The following BRME1 variants were observed in gnomAD, a reference collection of about 807,000 sequenced individuals.
The protein encoded by BRME1 is break repair meiotic recombinase recruitment factor 1.
BRME1 carries 31 observed loss-of-function variants against 52.6 expected under a neutral mutation model. That is an observed-to-expected ratio of 0.59 (90% CI 0.44 to 0.80). BRME1 has a LOEUF of 0.80. Ranked by LOEUF, BRME1 falls within the 30% of genes least tolerant of loss-of-function variation. BRME1 has a pLI of 0.00. For missense variants in BRME1, 804 were observed against 860.3 expected, an observed-to-expected ratio of 0.93 and a Z score of 0.82; for synonymous variants, 359 against 353.6, an observed-to-expected ratio of 1.02 and a Z score of -0.17.
At chr19:13,891,682 TG>T (rs1231741696) in intron 5 of BRME1, among the ~76,000 whole-genome samples, 1 of 151,666 alleles carries the variant, frequency 6.6e-6, no homozygotes, top group African/African-American at 2.4e-5. Flanking sequence ...TTGCCCAGGC[TG>T]GTCTTGAATG....
At chr19:13,896,947 C>G (rs565664785) in intron 2 of BRME1, among the ~76,000 whole-genome samples, 3 of 152,118 alleles carry the variant, frequency 2.0e-5, no homozygotes, top group African/African-American at 4.8e-5. Flanking sequence ...ATCCTCTTGT[C>G]TCGGCCTCCC....
Position 13,890,180 on chromosome 19 carries a change from T to G in BRME1, c.676A>C (p.Arg226=). 6.2e-7 allele frequency: 1 copy of G among 1,614,210 alleles called. No individual in the cohort carries two copies. The highest frequency in any genetic ancestry group is 8.5e-7 in the Non-Finnish European group (1 of 1,180,034). ...TTTTGGCCACCGTCACCTGGAACCC[T>G]GTCTGTCTCAGGCTTGCTGTCATCG... The part of the protein sequence containing the change: ...GADDSKPETD[R]VPGDGGQKEH... Residue 226 remains arginine, a synonymous_variant, in exon 6 of 9, where the codon AGG becomes CGG. Coordinates refer to ENST00000586783, the MANE Select transcript of BRME1 (RefSeq NM_001345843.2).
At chr19:13,900,618 T>A (rs1970231855) in intron 2 of BRME1, among the ~76,000 whole-genome samples, 1 of 152,214 alleles carries the variant, frequency 6.6e-6, no homozygotes, top group South Asian at 2.1e-4. Flanking sequence ...GAAATTTAAC[T>A]TACTTTAGAA....
rs1018136333 is a variant in BRME1, at chr19:13,905,837, A to T, written c.-144T>A. 1.3e-5 allele frequency: 2 copies of T among 152,088 alleles called. No individual in the cohort carries two copies. Among genetic ancestry groups the T allele is most frequent in the African/African-American group, 4.8e-5 (2 of 41,428 alleles). The allele number at this position is 152,088 out of a possible 1,614,324, so 9.4% of individuals were successfully genotyped here. On this transcript the variant is annotated 5_prime_UTR_variant, in exon 1 of 9. Coordinates refer to ENST00000586783, the MANE Select transcript of BRME1 (RefSeq NM_001345843.2). ...CTTTTTGGAAAAAATAAATGGCCAA[A>T]TTGGCCCTCACAGAACGCTGGAGGC...
In BRME1 at chr19:13,897,799, T is replaced by G. The variant is rs149492004; in HGVS notation, c.32-2253A>C. The stretch of plus-strand genomic sequence containing the variant: ...ATGACTTGAGCCCAGAGGAAGAGAT[T>G]GCAATGAGTCCAGACTGTGCCACTG... On this transcript the variant is annotated intron_variant, in intron 2 of 8. Transcript: ENST00000586783. Among the ~76,000 whole-genome samples, 11 of 152,050 alleles carry G rather than the reference T, an allele frequency of 7.2e-5. No homozygotes were observed. In the East Asian group the frequency reaches 1.4e-3, roughly 19 times the overall value.
intron 2 of BRME1, among the ~76,000 whole-genome samples, chr19:13,899,755 C>T (rs530681003): frequency 6.6e-6 from 1 of 152,266 alleles, no homozygotes; most frequent in African/African-American, 2.4e-5. Context: ...AATCTCACCA[C>T]GTTGAGAGGG....
At chr19:13,890,816 G>A (rs374647698) in intron 5 of BRME1, among the ~76,000 whole-genome samples, 47 of 152,144 alleles carry the variant, frequency 3.1e-4, no homozygotes, top group African/African-American at 1.1e-3. Context: ...GCAGTGAGCC[G>A]AGATAGGACT....
Position 13,883,608 on chromosome 19 carries a change from C to G in BRME1, c.1764-208G>C, listed in dbSNP as rs964437197. On this transcript the variant is annotated intron_variant, in intron 7 of 8. Coordinates refer to ENST00000586783, the MANE Select transcript of BRME1 (RefSeq NM_001345843.2). The surrounding 1 kb of genome is among the most constrained non-coding windows in gnomAD (Gnocchi z 4.2). ...CCCAACCGCTTCTCCCCTACCTGCC[C>G]TGCCCTCTCAGGACGCTGCTGCCAC... The G allele has an allele frequency of 1.9e-5, 10 of 537,942 alleles. No homozygotes were observed. The African/African-American group carries it at 1.9e-4, about 10-fold the overall frequency. The allele number at this position is 537,942 out of a possible 1,614,324, so 33.3% of individuals were successfully genotyped here. A position where few individuals can be genotyped will look rare whatever the true frequency, so the allele number is the denominator to read the frequency against.
At chr19:13,886,550 G>C (rs1476748364) in intron 6 of BRME1, among the ~76,000 whole-genome samples, 1 of 152,226 alleles carries the variant, frequency 6.6e-6, no homozygotes. Context: ...AAAACTCCCA[G>C]TGAATACAGG....
At chr19:13,886,834 C>T (rs1380769430) in intron 6 of BRME1, among the ~76,000 whole-genome samples, 6 of 151,330 alleles carry the variant, frequency 4.0e-5, no homozygotes, top group East Asian at 3.9e-4. Context: ...CATGGTGGCA[C>T]GCACCTGTGG....
At position 13,903,614 on chromosome 19, in the gene BRME1, A is replaced by T. The variant is rs1002227860; in HGVS notation, c.31+1248T>A. Among the ~76,000 whole-genome samples, 9 of 143,532 alleles carry T rather than the reference A, an allele frequency of 6.3e-5. No homozygotes were observed. In the South Asian group the frequency reaches 1.5e-3, roughly 25 times the overall value. 94.2% of individuals were successfully genotyped at this position (143,532 alleles called of 152,430 possible). ...CTTGAACCCAGGAGGTGGAGGCTGC[A>T]GTGAGCCAAGATCTTGCTACTGCAC... On this transcript the variant is annotated intron_variant, in intron 2 of 8. Coordinates refer to ENST00000586783, the MANE Select transcript of BRME1 (RefSeq NM_001345843.2).
At chr19:13,890,591 G>A (rs905234227) in intron 5 of BRME1, 129 bp from the exon 6 acceptor site, 99 of 810,752 alleles carry the variant, frequency 1.2e-4, no homozygotes, top group Non-Finnish European at 1.6e-4. Context: ...TTGGCCAGGC[G>A]TGATGGCTCA....
At position 13,886,022 on chromosome 19, in the gene BRME1, A is replaced by C. The variant is rs1347051123; in HGVS notation, c.1702T>G (p.Trp568Gly). 1 of 1,614,034 alleles carries C rather than the reference A, an allele frequency of 6.2e-7. No individual in the cohort carries two copies. The highest frequency in any genetic ancestry group is 1.3e-5 in the African/African-American group (1 of 75,062). The part of the protein sequence containing the change: ...FPSGNKPGPC[W>G]PGPSSHANGD... The stretch of plus-strand genomic sequence containing the variant: ...TTGGCATGTGAGCTGGGGCCCGGCC[A>C]GCAAGGGCCCGGCTTGTTCCCCGAA... The change falls in exon 7 of 9, where the codon TGG becomes GGG. Residue 568 changes from tryptophan (W) to glycine (G), a missense_variant. Physicochemically the swap from Trp to Gly is radical, Grantham distance 184 (BLOSUM62 -2). Transcript: ENST00000586783.
chr19:13,887,635 CTT>C (rs1216629855), intron 6 of BRME1, among the ~76,000 whole-genome samples: 1 of 152,216 alleles, frequency 6.6e-6, no homozygotes. Flanking sequence ...GGAGGCGGCT[CTT>C]CTCTCAAGCG....
chr19:13,891,135 T>TTTTTTTTTTTTTTATTATTATTA, intron 5 of BRME1, among the ~76,000 whole-genome samples: 1 of 146,634 alleles, frequency 6.8e-6, no homozygotes, highest in African/African-American at 2.6e-5. Flanking sequence ...CAATTTCCTG[T>TTTTTTTTTTTTTTATTATTATTA]TTATTATTAT....
At chr19:13,905,251 T>C (rs970525013) in intron 1 of BRME1, among the ~76,000 whole-genome samples, 2 of 151,968 alleles carry the variant, frequency 1.3e-5, no homozygotes, top group Non-Finnish European at 2.9e-5. Context: ...CCCTCCAGAC[T>C]GGGGTATCTG....
Position 13,902,136 on chromosome 19 carries a change from C to T in BRME1, c.31+2726G>A, listed in dbSNP as rs372298961. Among the ~76,000 whole-genome samples the T allele has an allele frequency of 2.6e-5, 4 of 151,498 alleles. No homozygotes were observed. In the East Asian group the frequency reaches 7.8e-4, roughly 30 times the overall value. ...GGCAGATCATGTGAGGCCAGGAGTT[C>T]AAGATCAGCCTGGGCAACATGGTGA... On this transcript the variant is annotated intron_variant, in intron 2 of 8. Coordinates refer to ENST00000586783, the MANE Select transcript of BRME1 (RefSeq NM_001345843.2).
intron 7 of BRME1, among the ~76,000 whole-genome samples, chr19:13,884,525 G>A (rs1968859236): frequency 6.6e-6 from 1 of 151,954 alleles, no homozygotes; most frequent in African/African-American, 2.4e-5. Context: ...CTACTTAGGG[G>A]GCTGAAGTGG....
intron 4 of BRME1, 118 bp downstream of exon 4, chr19:13,893,024 C>T: frequency 7.4e-7 from 1 of 1,342,948 alleles, no homozygotes; most frequent in Non-Finnish European, 1.0e-6. Flanking sequence ...GGGCACATTC[C>T]CTCCAGCCCC....
Sources: gnomAD v4.1 joint callset for allele counts (sites outside exome capture counted in the v4.1 genomes callset) on GRCh38, gnomAD v4.1.1 for gene constraint, Gnocchi (gnomAD v3.1) non-coding constraint, MANE v1.5 for transcripts, NCBI Gene and HGNC (gene_info 2026-07-23, HGNC 2026-07-21) for gene names.